The following POU6F2 variants were observed in gnomAD, a reference collection of about 807,000 sequenced individuals.
POU6F2 encodes the protein POU class 6 homeobox 2, also known as POU domain, class 6, transcription factor 2.
Under a neutral mutation model 71.3 loss-of-function variants are expected in POU6F2, and 31 were observed. The observed-to-expected ratio is 0.43, with a 90% CI of 0.33 to 0.59. POU6F2 has a LOEUF of 0.59. Among genes scored for constraint, POU6F2 ranks in the 20% least tolerant of loss-of-function variants. POU6F2 has a pLI of 0.04. For missense variants in POU6F2, 783 were observed against 856.8 expected, an observed-to-expected ratio of 0.91 and a Z score of 1.07; for synonymous variants, 347 against 355.7, an observed-to-expected ratio of 0.98 and a Z score of 0.27.
chr7:39,369,757 C>G (rs1051369816), intron 5 of POU6F2, among the ~76,000 whole-genome samples: 1 of 151,940 alleles, frequency 6.6e-6, no homozygotes, highest in African/African-American at 2.4e-5. Flanking sequence ...GATCATAGTT[C>G]ACTACAGCCT....
intron 1 of POU6F2, among the ~76,000 whole-genome samples, chr7:39,063,966 G>A (rs1790707261): frequency 6.6e-6 from 1 of 151,910 alleles, no homozygotes. Flanking sequence ...GATAAACAAG[G>A]ATTCGGCTGA....
rs191990242 is a variant in POU6F2, at chr7:39,194,934, G to C, written c.278-9301G>C. On this transcript the variant is annotated intron_variant, in intron 2 of 9. Coordinates refer to ENST00000518318, the MANE Select transcript of POU6F2 (RefSeq NM_001370959.1). ...AGCCGGCGAGACCAAGAACCCACCAGAAGGAGAAACTCCGGACACATCTGA... is the reference window on the plus strand; with the variant it reads ...AGCCGGCGAGACCAAGAACCCACCACAAGGAGAAACTCCGGACACATCTGA... Among the ~76,000 whole-genome samples the C allele has an allele frequency of 3.4e-3, 514 of 152,204 alleles. 4 individuals carry two copies. Among genetic ancestry groups the C allele is most frequent in the Non-Finnish European group, 4.5e-3 (308 of 68,008 alleles).
chr7:39,392,977 A>G (rs1787105209), intron 5 of POU6F2, among the ~76,000 whole-genome samples: 1 of 152,228 alleles, frequency 6.6e-6, no homozygotes, highest in East Asian at 1.9e-4. Flanking sequence ...TAAATGTAGA[A>G]AATTCCCACA....
rs970341012 is a variant in POU6F2 at position 39,204,996 on chromosome 7, C to T, written c.369+670C>T. The stretch of plus-strand genomic sequence containing the variant: ...TGGAAAGAGAAGCTGAGACTTGGGC[C>T]TTTCTCTCCCTTTTATTGTCATTAT... On this transcript the variant is annotated intron_variant, in intron 3 of 9. Coordinates refer to ENST00000518318, the MANE Select transcript of POU6F2 (RefSeq NM_001370959.1). Among the ~76,000 whole-genome samples, 6 of 151,178 alleles carry T rather than the reference C, an allele frequency of 4.0e-5. No homozygotes were observed. The South Asian group carries it at 6.3e-4, about 16-fold the overall frequency.
chr7:39,012,015 T>C (rs1225569111), intron 1 of POU6F2, among the ~76,000 whole-genome samples: 2 of 152,146 alleles, frequency 1.3e-5, no homozygotes, highest in Admixed American at 6.5e-5. Flanking sequence ...GAGTTGCTCT[T>C]CTCGAGGAGT....
intron 4 of POU6F2, among the ~76,000 whole-genome samples, chr7:39,260,124 T>TACCACACAC (rs1001215383): frequency 7.7e-6 from 1 of 129,560 alleles, no homozygotes; most frequent in Middle Eastern, 5.4e-3. Flanking sequence ...ACACACACAA[T>TACCACACAC]ACCACACACA....
At chr7:39,348,524 A>G (rs919875500) in intron 5 of POU6F2, among the ~76,000 whole-genome samples, 12 of 152,184 alleles carry the variant, frequency 7.9e-5, no homozygotes, top group African/African-American at 1.2e-4. Context: ...CAAAGAAACT[A>G]AGTCTCAGAA....
chr7:39,307,962 A>G (rs1459809935), intron 4 of POU6F2, among the ~76,000 whole-genome samples: 2 of 152,158 alleles, frequency 1.3e-5, no homozygotes, highest in South Asian at 2.1e-4. Context: ...TTCAAAAAAA[A>G]AAAAAAGAGT....
At chr7:39,280,751 G>A (rs1353099683) in intron 4 of POU6F2, among the ~76,000 whole-genome samples, 1 of 152,194 alleles carries the variant, frequency 6.6e-6, no homozygotes, top group African/African-American at 2.4e-5. Context: ...GCAACCAAGA[G>A]AAAATAAGTT....
chr7:39,365,684 G>T (rs1480222720), intron 5 of POU6F2, among the ~76,000 whole-genome samples: 2 of 151,924 alleles, frequency 1.3e-5, no homozygotes, highest in Non-Finnish European at 2.9e-5. Flanking sequence ...AAACAAATTA[G>T]CAAGAAAAAA....
chr7:39,462,716 T>A (rs1483816901), intron 9 of POU6F2, among the ~76,000 whole-genome samples: 2 of 152,174 alleles, frequency 1.3e-5, no homozygotes, highest in Non-Finnish European at 2.9e-5. Context: ...CATTAAATGA[T>A]CAGTTCACTC....
chr7:39,048,796 A>G (rs1790344794), intron 1 of POU6F2, among the ~76,000 whole-genome samples: 1 of 152,026 alleles, frequency 6.6e-6, no homozygotes, highest in Non-Finnish European at 1.5e-5. Context: ...CATTCCCACC[A>G]GCAGTGTATG....
chr7:39,264,714 A>G (rs540910982), intron 4 of POU6F2, among the ~76,000 whole-genome samples: 1 of 152,312 alleles, frequency 6.6e-6, no homozygotes, highest in African/African-American at 2.4e-5. Flanking sequence ...AAATAAGTAC[A>G]TTCAATATAT....
chr7:39,296,777 G>A (rs1006008841), intron 4 of POU6F2, among the ~76,000 whole-genome samples: 7 of 152,106 alleles, frequency 4.6e-5, no homozygotes, highest in African/African-American at 1.7e-4. Context: ...CCCTCTTGAC[G>A]CTTAGCTCTA....
intron 5 of POU6F2, among the ~76,000 whole-genome samples, chr7:39,401,383 C>T (rs1236929181): frequency 6.6e-6 from 1 of 152,182 alleles, no homozygotes; most frequent in African/African-American, 2.4e-5. Flanking sequence ...GGTTTTCTAA[C>T]TGTTATGAGG....
chr7:39,136,581 A>G (rs753493611), intron 2 of POU6F2, among the ~76,000 whole-genome samples: 2 of 152,202 alleles, frequency 1.3e-5, no homozygotes, highest in Non-Finnish European at 2.9e-5. Flanking sequence ...TAAGAAGGCA[A>G]TTTTAATATG....
chr7:39,375,759 C>A (rs1254386549), intron 5 of POU6F2, among the ~76,000 whole-genome samples: 1 of 152,004 alleles, frequency 6.6e-6, no homozygotes, highest in Non-Finnish European at 1.5e-5. Context: ...AGACATTTAG[C>A]CCCAAGAGAC....
intron 1 of POU6F2, chr7:39,005,274 A>T (rs1789026438): frequency 6.6e-6 from 1 of 152,252 alleles, no homozygotes; most frequent in African/African-American, 2.4e-5. Context: ...TCGATGCTTC[A>T]TGCTGATGTG....
At chr7:39,080,214 A>G (rs777487137) in intron 1 of POU6F2, among the ~76,000 whole-genome samples, 1 of 152,192 alleles carries the variant, frequency 6.6e-6, no homozygotes, top group Non-Finnish European at 1.5e-5. Flanking sequence ...TGGGAGAAAT[A>G]CTCATATTAA....
Sources: allele counts gnomAD v4.1 joint callset (sites outside exome capture counted in the v4.1 genomes callset), GRCh38; gene constraint gnomAD v4.1.1; transcripts MANE v1.5; gene names NCBI Gene and HGNC (gene_info 2026-07-23, HGNC 2026-07-21).